PPP1R1B: variants seen among roughly 807,000 people sequenced by gnomAD.
The protein encoded by PPP1R1B is protein phosphatase 1 regulatory subunit 1B.
Under a neutral mutation model 28.2 loss-of-function variants are expected in PPP1R1B, and 13 were observed. That is an observed-to-expected ratio of 0.46 (90% CI 0.30 to 0.73). PPP1R1B has a LOEUF of 0.73. Ranked by LOEUF, PPP1R1B falls within the 30% of genes least tolerant of loss-of-function variation. The pLI, the probability that PPP1R1B is intolerant of heterozygous loss-of-function variation, is 0.07. For synonymous variants in PPP1R1B, 102 were observed against 97.5 expected, an observed-to-expected ratio of 1.05 and a Z score of -0.27; for missense variants, 236 against 256.7, an observed-to-expected ratio of 0.92 and a Z score of 0.55.
chr17:39,634,133 TG>T, intron 5 of PPP1R1B, 47 bp downstream of exon 5: 1 of 1,607,448 alleles, frequency 6.2e-7, no homozygotes, highest in Non-Finnish European at 8.5e-7. Context: ...GGGTCCTCCT[TG>T]AGTATACGAG....
chr17:39,628,626 G>A (rs1330424623), intron 1 of PPP1R1B: 3 of 986,296 alleles, frequency 3.0e-6, no homozygotes, highest in Non-Finnish European at 3.6e-6. Context: ...GCTGGAGGTG[G>A]GGGGTGCCTG....
chr17:39,629,608 G>A, intron 3 of PPP1R1B, 46 bp downstream of exon 3: 1 of 1,608,022 alleles, frequency 6.2e-7, no homozygotes. Flanking sequence ...TGGGCCCCTT[G>A]GGGTGGGGTG....
chr17:39,633,853 C>T (rs772387338), intron 4 of PPP1R1B, 30 bp from the exon 5 acceptor site: 2 of 1,611,760 alleles, frequency 1.2e-6, no homozygotes, highest in South Asian at 1.1e-5. Flanking sequence ...TCTAGCTGAC[C>T]CTTGCTTTCC....
At chr17:39,634,174 C>A in intron 5 of PPP1R1B, 88 bp downstream of exon 5, 1 of 1,538,742 alleles carries the variant, frequency 6.5e-7, no homozygotes, top group Non-Finnish European at 8.9e-7. Context: ...GTGTCTCATA[C>A]ACGCAAACTG....
At chr17:39,630,937 C>T (rs1264068221) in intron 4 of PPP1R1B, among the ~76,000 whole-genome samples, 4 of 152,138 alleles carry the variant, frequency 2.6e-5, no homozygotes, top group Non-Finnish European at 5.9e-5. Flanking sequence ...GGCGTGGTAG[C>T]GCATGCCTGT....
chr17:39,632,836 A>C (rs1281363823), intron 4 of PPP1R1B: 1 of 152,186 alleles, frequency 6.6e-6, no homozygotes, highest in East Asian at 1.9e-4. Context: ...GGAGGTTTCC[A>C]GCCTGGCCCT....
At position 39,627,063 on chromosome 17, in the gene PPP1R1B, G is replaced by A. The variant is rs1195677585; in HGVS notation, c.-330G>A. The A allele has an allele frequency of 1.2e-5, 4 of 329,210 alleles. No individual in the cohort carries two copies. Among genetic ancestry groups the A allele is most frequent in the African/African-American group, 2.2e-5 (1 of 45,792 alleles). The allele number at this position is 329,210 out of a possible 1,614,324, so 20.4% of individuals were successfully genotyped here. ...AGACACTCAGGAGGGGAGAGACACC[G>A]AGACGCAGAGACACTCAGGAGGGGA... On this transcript the variant is annotated 5_prime_UTR_variant, in exon 1 of 7. Coordinates refer to ENST00000254079, the MANE Select transcript of PPP1R1B (RefSeq NM_032192.4).
Position 39,627,387 on chromosome 17 carries a change from C to T in PPP1R1B, c.-6C>T. ...CACCCCAGCCCCACCGCCCACCCCGCGCGCCATGGACCCCAAGGACCGCAA... is the reference window on the plus strand; with the variant it reads ...CACCCCAGCCCCACCGCCCACCCCGTGCGCCATGGACCCCAAGGACCGCAA... On this transcript the variant is annotated 5_prime_UTR_variant, in exon 1 of 7. Transcript: ENST00000254079. 6.3e-7 allele frequency: 1 copy of T among 1,598,150 alleles called. No individual in the cohort carries two copies. The highest frequency in any genetic ancestry group is 8.5e-7 in the Non-Finnish European group (1 of 1,173,520).
At chr17:39,629,134 G>A in intron 1 of PPP1R1B, 36 bp from the exon 2 acceptor site, 1 of 1,604,752 alleles carries the variant, frequency 6.2e-7, no homozygotes, top group Non-Finnish European at 8.5e-7. Context: ...AGGGCTGCAG[G>A]TGTCCATCCA....
chr17:39,634,776 G>A (rs1221574681), intron 5 of PPP1R1B, among the ~76,000 whole-genome samples: 2 of 152,218 alleles, frequency 1.3e-5, no homozygotes, highest in African/African-American at 4.8e-5. Context: ...TGGCCATGGG[G>A]GCAAAAGCTG....
rs77771105 is a variant in PPP1R1B at position 39,627,282 on chromosome 17, C to T, written c.-111C>T. ...GTATTTTTATCCGTGCGCGAACAGC[C>T]CTCCTCCTCCTCTCGCCGCACAGCC... is the stretch of plus-strand genomic sequence containing the variant. On this transcript the variant is annotated 5_prime_UTR_variant, in exon 1 of 7. Transcript: ENST00000254079. 2.3e-3 allele frequency: 1,564 copies of T among 678,772 alleles called. 20 individuals are homozygous for T. In the African/African-American group the frequency reaches 0.027, roughly 12 times the overall value. 42.0% of individuals were successfully genotyped at this position (678,772 alleles called of 1,614,324 possible). A position where few individuals can be genotyped will look rare whatever the true frequency, so the allele number is the denominator to read the frequency against.
intron 5 of PPP1R1B, 139 bp downstream of exon 5, chr17:39,634,225 G>C (rs2056900499): frequency 2.7e-6 from 3 of 1,125,048 alleles, no homozygotes; most frequent in Admixed American, 4.0e-5. Context: ...TCGCTCCATG[G>C]GGTGCCCCGA....
At position 39,629,399 on chromosome 17, in the gene PPP1R1B, C is replaced by T. The variant is rs182819229; in HGVS notation, c.143-141C>T. 3.0e-4 allele frequency: 381 copies of T among 1,286,944 alleles called. 1 individual carries two copies. The East Asian group carries it at 3.3e-3, about 11-fold the overall frequency. The allele number at this position is 1,286,944 out of a possible 1,614,324, so 79.7% of individuals were successfully genotyped here. On this transcript the variant is annotated intron_variant, in intron 2 of 6. Transcript: ENST00000254079. ...ATTTATTGACATGACACCTCCCAGC[C>T]GCAGGAGGGAGAGGGCACACTTTCC...
chr17:39,627,301 C>T lies in PPP1R1B; in HGVS notation c.-92C>T. The T allele has an allele frequency of 1.2e-6, 1 of 856,154 alleles. No homozygotes were observed. The highest frequency in any genetic ancestry group is 1.7e-6 in the Non-Finnish European group (1 of 579,044). The allele number at this position is 856,154 out of a possible 1,614,324, so 53.0% of individuals were successfully genotyped here. A position where few individuals can be genotyped will look rare whatever the true frequency, so the allele number is the denominator to read the frequency against. ...AACAGCCCTCCTCCTCCTCTCGCCG[C>T]ACAGCCCGCCGCCTGCGCGGGGGAG... On this transcript the variant is annotated 5_prime_UTR_variant, in exon 1 of 7. Transcript: ENST00000254079.
At chr17:39,630,531 A>G (rs1208455997) in intron 4 of PPP1R1B, 1 of 168,634 alleles carries the variant, frequency 5.9e-6, no homozygotes. Context: ...TTGCACACTT[A>G]CTCAACACCT....
intron 1 of PPP1R1B, among the ~76,000 whole-genome samples, chr17:39,627,710 G>A (rs1567846766): frequency 6.6e-6 from 1 of 151,414 alleles, no homozygotes; most frequent in Non-Finnish European, 1.5e-5. Context: ...TGGCAGTGAG[G>A]CTGGGGGTGC....
chr17:39,629,346 G>A, intron 2 of PPP1R1B, 116 bp downstream of exon 2: 3 of 1,324,014 alleles, frequency 2.3e-6, no homozygotes, highest in Non-Finnish European at 3.2e-6. Flanking sequence ...GAGTGGATAA[G>A]GTCTGGGAAC....
At chr17:39,630,559 G>C (rs1317049015) in intron 4 of PPP1R1B, 1 of 158,286 alleles carries the variant, frequency 6.3e-6, no homozygotes, top group Admixed American at 6.1e-5. Flanking sequence ...GCCAGGCCAA[G>C]TTGGTGGGCA....
chr17:39,633,765 G>A, intron 4 of PPP1R1B, 118 bp from the exon 5 acceptor site: 6 of 1,543,000 alleles, frequency 3.9e-6, no homozygotes, highest in Non-Finnish European at 5.2e-6. Flanking sequence ...GGCCCCTGAG[G>A]GGGTATTCTC....
Sources: allele counts gnomAD v4.1 joint callset (sites outside exome capture counted in the v4.1 genomes callset), GRCh38; gene constraint gnomAD v4.1.1; transcripts MANE v1.5; gene names NCBI Gene and HGNC (gene_info 2026-07-23, HGNC 2026-07-21).